The following LMBRD1 variants were observed in gnomAD, a reference collection of about 807,000 sequenced individuals.
LMBRD1 encodes the protein LMBR1 domain containing 1.
In LMBRD1, 64 loss-of-function variants were observed where a neutral mutation model predicts 74.8. The ratio of observed to expected loss-of-function variants is 0.86; its 90% confidence interval spans 0.70 to 1.05. The LOEUF (loss-of-function observed/expected upper bound fraction) is 1.05, where lower values mean the gene tolerates loss of function less well. Among genes scored for constraint, LMBRD1 ranks in the 50% least tolerant of loss-of-function variants. LMBRD1 has a pLI of 0.00. For synonymous variants in LMBRD1, 204 were observed against 216.3 expected, an observed-to-expected ratio of 0.94 and a Z score of 0.50; for missense variants, 652 against 645.9, an observed-to-expected ratio of 1.01 and a Z score of -0.10.
chr6:69,701,625 T>C, intron 10 of LMBRD1, 80 bp from the exon 11 acceptor site: 1 of 844,224 alleles, frequency 1.2e-6, no homozygotes, highest in Non-Finnish European at 2.0e-6. Context: ...AATTTAAGCA[T>C]GCAAATACAC....
chr6:69,788,047 C>T (rs914572203), intron 2 of LMBRD1, among the ~76,000 whole-genome samples: 1 of 152,076 alleles, frequency 6.6e-6, no homozygotes, highest in Non-Finnish European at 1.5e-5. Context: ...TCCTAGGAAG[C>T]GAGCACTAAT....
intron 2 of LMBRD1, among the ~76,000 whole-genome samples, chr6:69,782,315 T>C (rs947011402): frequency 2.0e-5 from 3 of 152,246 alleles, no homozygotes; most frequent in African/African-American, 4.8e-5. Flanking sequence ...CCATCACTCA[T>C]TGGACTAAGA....
chr6:69,769,290 T>A (rs1765531149), intron 3 of LMBRD1, among the ~76,000 whole-genome samples: 1 of 152,152 alleles, frequency 6.6e-6, no homozygotes, highest in Admixed American at 6.6e-5. Flanking sequence ...GGTAAGACCC[T>A]CTAGTAAATT....
intron 9 of LMBRD1, among the ~76,000 whole-genome samples, chr6:69,704,790 G>C (rs1204807128): frequency 6.6e-6 from 1 of 152,038 alleles, no homozygotes; most frequent in Non-Finnish European, 1.5e-5. Flanking sequence ...GATATAGAGG[G>C]ACTGTTGTAA....
At chr6:69,757,365 A>G (rs964198521) in intron 3 of LMBRD1, among the ~76,000 whole-genome samples, 3 of 152,248 alleles carry the variant, frequency 2.0e-5, no homozygotes, top group Admixed American at 6.5e-5. Context: ...AGCAATCAAC[A>G]TCTGGGGAAA....
intron 3 of LMBRD1, among the ~76,000 whole-genome samples, chr6:69,766,848 T>C (rs971226241): frequency 6.6e-6 from 1 of 151,634 alleles, no homozygotes; most frequent in African/African-American, 2.4e-5. Context: ...GAAATCTAGG[T>C]ATGGGGTTCT....
chr6:69,757,023 T>C (rs1232874461), intron 3 of LMBRD1, among the ~76,000 whole-genome samples: 1 of 152,142 alleles, frequency 6.6e-6, no homozygotes, highest in African/African-American at 2.4e-5. Context: ...ATAATGATGT[T>C]GAGAGAAATA....
intron 7 of LMBRD1, among the ~76,000 whole-genome samples, chr6:69,729,193 A>T (rs997685363): frequency 2.1e-5 from 3 of 145,276 alleles, no homozygotes; most frequent in African/African-American, 7.7e-5. Flanking sequence ...ATTTTATTCC[A>T]TGTAGTGCCC....
intron 7 of LMBRD1, among the ~76,000 whole-genome samples, chr6:69,728,623 G>A (rs1766787074): frequency 6.6e-6 from 1 of 152,088 alleles, no homozygotes; most frequent in Non-Finnish European, 1.5e-5. Context: ...TAACAACATG[G>A]CCCTTATTTA....
chr6:69,689,786 C>T (rs1765838351), intron 14 of LMBRD1, among the ~76,000 whole-genome samples: 1 of 152,048 alleles, frequency 6.6e-6, no homozygotes, highest in African/African-American at 2.4e-5. Context: ...TATTGATCAG[C>T]TTTAAAAATG....
At chr6:69,784,541 T>A (rs1317656764) in intron 2 of LMBRD1, among the ~76,000 whole-genome samples, 1 of 151,962 alleles carries the variant, frequency 6.6e-6, no homozygotes, top group Non-Finnish European at 1.5e-5. Context: ...AGGTAAGAGG[T>A]CAAGGACGCC....
intron 5 of LMBRD1, among the ~76,000 whole-genome samples, chr6:69,743,650 C>T (rs905187123): frequency 2.2e-4 from 34 of 152,178 alleles, no homozygotes. Context: ...AAATTCAAAG[C>T]AGGTTCTTAA....
rs767327328 is a variant in LMBRD1, at chr6:69,752,265, T to C, written c.399A>G (p.Lys133=). ...YEEKDDDDTS[K]CTQIKTALKY... ...CTAAAATAAAGATACTTACAGTACA[T>C]TTACTAGTATCATCATCATCCTTTT... is the stretch of plus-strand genomic sequence containing the variant. The change falls in exon 4 of 16, where the codon AAA becomes AAG. Residue 133 remains lysine (K), a synonymous_variant. Coordinates refer to ENST00000649934, the MANE Select transcript of LMBRD1 (RefSeq NM_018368.4). 9 of 1,608,908 alleles carry C rather than the reference T, an allele frequency of 5.6e-6. No homozygotes were observed. The highest frequency in any genetic ancestry group is 1.1e-5 in the South Asian group (1 of 90,898).
At chr6:69,687,057 T>C (rs1461965131) in intron 14 of LMBRD1, among the ~76,000 whole-genome samples, 3 of 152,204 alleles carry the variant, frequency 2.0e-5, no homozygotes, top group Non-Finnish European at 4.4e-5. Context: ...AGTCACATCA[T>C]GCCATTCCTC....
intron 7 of LMBRD1, 29 bp from the exon 8 acceptor site, chr6:69,719,110 G>C: frequency 6.3e-7 from 1 of 1,599,706 alleles, no homozygotes; most frequent in Non-Finnish European, 8.5e-7. Context: ...AAATGTTTTA[G>C]AAATAATGTT....
chr6:69,768,344 A>G (rs1040168568), intron 3 of LMBRD1, among the ~76,000 whole-genome samples: 1 of 151,962 alleles, frequency 6.6e-6, no homozygotes. Flanking sequence ...GATACATAAA[A>G]TAAGTATATT....
intron 5 of LMBRD1, among the ~76,000 whole-genome samples, chr6:69,744,430 G>A (rs118128037): frequency 5.5e-3 from 836 of 152,284 alleles, no homozygotes; most frequent in Middle Eastern, 0.014. Context: ...CTACAGCCTA[G>A]TAAGATTATA....
chr6:69,794,578 A>C (rs1347063883), intron 1 of LMBRD1, among the ~76,000 whole-genome samples: 1 of 152,244 alleles, frequency 6.6e-6, no homozygotes, highest in Non-Finnish European at 1.5e-5. Context: ...AACAAAGGGA[A>C]TCTATCACTT....
At chr6:69,740,420 A>C (rs1445103390) in intron 6 of LMBRD1, among the ~76,000 whole-genome samples, 5 of 152,228 alleles carry the variant, frequency 3.3e-5, no homozygotes, top group African/African-American at 1.2e-4. Context: ...TTAGGGTAGA[A>C]GAGTAGTTAC....
Sources: allele counts gnomAD v4.1 joint callset (sites outside exome capture counted in the v4.1 genomes callset), GRCh38; gene constraint gnomAD v4.1.1; transcripts MANE v1.5; gene names NCBI Gene and HGNC (gene_info 2026-07-23, HGNC 2026-07-21).